The following HAUS1 variants were observed in gnomAD, a reference collection of about 807,000 sequenced individuals.
HAUS1 encodes the protein HAUS augmin like complex subunit 1.
Under a neutral mutation model 38.6 loss-of-function variants are expected in HAUS1, and 25 were observed. The observed-to-expected ratio is 0.65, with a 90% CI of 0.47 to 0.91. The LOEUF (loss-of-function observed/expected upper bound fraction) is 0.91, where lower values mean the gene tolerates loss of function less well. HAUS1 is among the 40% of genes least tolerant of loss of function. HAUS1 has a pLI of 0.00. For missense variants in HAUS1, 325 were observed against 328.4 expected, an observed-to-expected ratio of 0.99 and a Z score of 0.08; for synonymous variants, 109 against 112.9, an observed-to-expected ratio of 0.97 and a Z score of 0.22.
intron 8 of HAUS1, 155 bp downstream of exon 8, chr18:46,125,946 T>G: frequency 1.7e-6 from 1 of 599,946 alleles, no homozygotes; most frequent in Non-Finnish European, 3.0e-6. Context: ...TTAATACTTT[T>G]TTGGCTGTGT....
intron 8 of HAUS1, among the ~76,000 whole-genome samples, chr18:46,127,439 G>T (rs1912138746): frequency 6.6e-6 from 1 of 151,406 alleles, no homozygotes; most frequent in Non-Finnish European, 1.5e-5. Context: ...AGGTGCAGTG[G>T]CTCACACCTG....
Position 46,124,848 on chromosome 18 carries a change from T to C in HAUS1, c.693T>C (p.Thr231=). ...SEKLARLKQQ[T]IPLKKKLESY... ...AACTGGCAAGATTAAAGCAACAGAC[T>C]ATACCTTTGAAGAAAAAATTGGAGT... The change falls in exon 7 of 9, where the codon ACT becomes ACC. Residue 231 remains threonine, a synonymous_variant. Coordinates refer to ENST00000282058, the MANE Select transcript of HAUS1 (RefSeq NM_138443.4). 6.2e-7 allele frequency: 1 copy of C among 1,607,086 alleles called. No individual in the cohort carries two copies. Among genetic ancestry groups the C allele is most frequent in the Non-Finnish European group, 8.5e-7 (1 of 1,174,528 alleles).
intron 2 of HAUS1, among the ~76,000 whole-genome samples, chr18:46,112,892 A>C (rs1488811753): frequency 9.1e-6 from 1 of 110,468 alleles, no homozygotes; most frequent in African/African-American, 3.9e-5. Flanking sequence ...GTGTATATAT[A>C]TTCCATATTA....
At position 46,124,823 on chromosome 18, in the gene HAUS1, A is replaced by G. The variant is rs1337327112; in HGVS notation, c.668A>G (p.Lys223Arg). 1.3e-6 allele frequency: 2 copies of G among 1,591,022 alleles called. No homozygotes were observed. Among genetic ancestry groups the G allele is most frequent in the Non-Finnish European group, 1.7e-6 (2 of 1,160,992 alleles). ...SHQSLVALSE[K>R]LARLKQQTIP... ...GTGACTGTGTTCTTTTACCCCCAGA[A>G]ACTGGCAAGATTAAAGCAACAGACT... is the stretch of plus-strand genomic sequence containing the variant. Residue 223 changes from lysine (K) to arginine (R), a missense_variant and splice_region_variant, in exon 7 of 9, where the codon AAA becomes AGA. Lys to Arg is a conservative substitution (Grantham distance 26). Transcript: ENST00000282058.
intron 3 of HAUS1, 22 bp from the exon 4 acceptor site, chr18:46,119,904 T>C: frequency 6.4e-7 from 1 of 1,563,342 alleles, no homozygotes; most frequent in Non-Finnish European, 8.6e-7. Context: ...AGCCCATGTA[T>C]ATGACCAGAT....
intron 2 of HAUS1, chr18:46,106,879 G>A (rs1280886809): frequency 1.3e-5 from 2 of 152,138 alleles, no homozygotes; most frequent in Non-Finnish European, 2.9e-5. Context: ...GCCAGGTGTG[G>A]TGGTATGTGC....
chr18:46,108,899 G>A (rs567921650), intron 2 of HAUS1, among the ~76,000 whole-genome samples: 6 of 151,830 alleles, frequency 4.0e-5, no homozygotes, highest in South Asian at 2.1e-4. Flanking sequence ...GTGAAATCCC[G>A]TCTCTACTAA....
intron 5 of HAUS1, chr18:46,123,072 G>A (rs1371845380): frequency 1.6e-5 from 7 of 440,506 alleles, no homozygotes; most frequent in Middle Eastern, 6.4e-4. Flanking sequence ...TTAGCCGGGC[G>A]TGGTGGTGGG....
chr18:46,122,716 C>G, intron 5 of HAUS1, 126 bp downstream of exon 5: 1 of 1,014,322 alleles, frequency 9.9e-7, no homozygotes, highest in Non-Finnish European at 1.5e-6. Context: ...GTAAGTTGCC[C>G]AAGATTACAT....
Position 46,120,005 on chromosome 18 carries a change from G to A in HAUS1, c.421G>A (p.Glu141Lys). The A allele has an allele frequency of 6.2e-7, 1 of 1,607,438 alleles. No homozygotes were observed. ...SKSEEIKIEL[E>K]KLEKNLTATL... Reference sequence around the variant, plus strand: ...AAGTGAAGAAATCAAGATTGAACTGGAAAAACTTGAAAAAAATTTAACTGC... The same window carrying A: ...AAGTGAAGAAATCAAGATTGAACTGAAAAAACTTGAAAAAAATTTAACTGC... Residue 141 changes from glutamate to lysine, a missense_variant, in exon 4 of 9, where the codon GAA (glutamate) becomes AAA (lysine). By Grantham distance (56) the Glu-to-Lys change is moderately conservative. Coordinates refer to ENST00000282058, the MANE Select transcript of HAUS1 (RefSeq NM_138443.4).
Position 46,122,486 on chromosome 18 carries a change from T to C in HAUS1, c.496T>C (p.Leu166=). 2 of 1,613,654 alleles carry C rather than the reference T, an allele frequency of 1.2e-6. No individual in the cohort carries two copies. The highest frequency in any genetic ancestry group is 1.7e-6 in the Non-Finnish European group (2 of 1,179,916). Residue 166 remains leucine (L), a synonymous_variant, in exon 5 of 9, where the codon TTG becomes CTG. Transcript: ENST00000282058. ...TTAAAGGGATGTCAAGAAAGCAGAG[T>C]TGCATCTGTCTACAGAAAGGGCCAA... ...CLQEDVKKAE[L]HLSTERAKVD...
At chr18:46,118,873 A>G (rs28715068) in intron 3 of HAUS1, among the ~76,000 whole-genome samples, 1 of 151,746 alleles carries the variant, frequency 6.6e-6, no homozygotes, top group Non-Finnish European at 1.5e-5. Context: ...ATTTTGTTTT[A>G]GTTTTTGTTT....
At chr18:46,127,820 T>C (rs578180271) in intron 8 of HAUS1, among the ~76,000 whole-genome samples, 1 of 152,222 alleles carries the variant, frequency 6.6e-6, no homozygotes, top group South Asian at 2.1e-4. Context: ...CAGATTTCTC[T>C]CTCTCTAAAG....
chr18:46,108,382 C>T (rs1250566543), intron 2 of HAUS1, among the ~76,000 whole-genome samples: 2 of 151,632 alleles, frequency 1.3e-5, no homozygotes, highest in African/African-American at 4.8e-5. Flanking sequence ...ACTTCTGACC[C>T]TGCCTCACCC....
intron 2 of HAUS1, among the ~76,000 whole-genome samples, chr18:46,117,558 G>C (rs1172003703): frequency 3.2e-4 from 48 of 152,146 alleles, no homozygotes; most frequent in Non-Finnish European, 1.5e-5. Context: ...GCCGGGTATG[G>C]TGGCTCACAC....
Position 46,128,101 on chromosome 18 carries a change from A to G in HAUS1, c.813A>G (p.Arg271=). 1 of 1,590,220 alleles carries G rather than the reference A, an allele frequency of 6.3e-7. No homozygotes were observed. The highest frequency in any genetic ancestry group is 2.3e-5 in the East Asian group (1 of 44,074). Residue 271 remains arginine (R), a synonymous_variant, in exon 9 of 9, where the codon AGA becomes AGG. Coordinates refer to ENST00000282058, the MANE Select transcript of HAUS1 (RefSeq NM_138443.4). ...ELDSIEAELT[R]RVDMMEL is the part of the protein sequence containing the mutation. ...ATAGCATTGAAGCTGAACTTACAAG[A>G]AGAGTAGACATGATGGAACTGTGAC... is the stretch of plus-strand genomic sequence containing the variant.
Position 46,105,536 on chromosome 18 carries a change from A to G in HAUS1, c.205+168A>G, listed in dbSNP as rs964453597. 49 of 563,886 alleles carry G rather than the reference A, an allele frequency of 8.7e-5. No homozygotes were observed. The Middle Eastern group carries it at 4.2e-3, about 48-fold the overall frequency. The allele number at this position is 563,886 out of a possible 1,614,324, so 34.9% of individuals were successfully genotyped here. A position where few individuals can be genotyped will look rare whatever the true frequency, so the allele number is the denominator to read the frequency against. ...AGTAACTTTATTGTTTTATGTTTAT[A>G]TATATGTATATGTATGTGTGTGTGT... is the stretch of plus-strand genomic sequence containing the variant. On this transcript the variant is annotated intron_variant, in intron 2 of 8. Coordinates refer to ENST00000282058, the MANE Select transcript of HAUS1 (RefSeq NM_138443.4).
intron 2 of HAUS1, 182 bp downstream of exon 2, chr18:46,105,550 A>T: frequency 3.7e-5 from 10 of 269,408 alleles, no homozygotes; most frequent in Admixed American, 1.1e-4. Context: ...ATGTATATGT[A>T]TGTGTGTGTG....
chr18:46,113,058 A>G lies in HAUS1; in HGVS notation c.206-5123A>G, dbSNP rs147866579. On this transcript the variant is annotated intron_variant, in intron 2 of 8. Transcript: ENST00000282058. ...ATAATATATATATTCCATATTATAT[A>G]TATAATATATATATTCCATATATAT... Among the ~76,000 whole-genome samples, 102 of 133,216 alleles carry G rather than the reference A, an allele frequency of 7.7e-4. 4 individuals carry two copies. Among genetic ancestry groups the G allele is most frequent in the African/African-American group, 2.9e-3 (98 of 33,842 alleles). 87.4% of individuals were successfully genotyped at this position (133,216 alleles called of 152,430 possible). A position where few individuals can be genotyped will look rare whatever the true frequency, so the allele number is the denominator to read the frequency against.
Sources: gnomAD v4.1 joint callset for allele counts (sites outside exome capture counted in the v4.1 genomes callset) on GRCh38, gnomAD v4.1.1 for gene constraint, MANE v1.5 for transcripts, NCBI Gene and HGNC (gene_info 2026-07-23, HGNC 2026-07-21) for gene names.